The following MYOM3 variants were observed in gnomAD, a reference collection of about 807,000 sequenced individuals.
MYOM3 encodes myomesin 3.
MYOM3 carries 155 observed loss-of-function variants against 191.7 expected under a neutral mutation model. That is an observed-to-expected ratio of 0.81 (90% confidence interval 0.71 to 0.92). The LOEUF (loss-of-function observed/expected upper bound fraction) is 0.92. Among genes scored for constraint, MYOM3 ranks in the 40% least tolerant of loss-of-function variants. The pLI, the probability that MYOM3 is intolerant of heterozygous loss-of-function variation, is 0.00. For synonymous variants in MYOM3, 757 were observed against 762.9 expected (o/e 0.99, Z 0.13); for missense variants, 1,889 against 1,890.6 (o/e 1.00, Z 0.02).
At chr1:24,074,015 T>C in intron 23 of MYOM3, 145 bp downstream of exon 23, 1 of 623,024 alleles carries the variant, frequency 1.6e-6, no homozygotes, top group Admixed American at 2.9e-5. Flanking sequence ...TATCTATTGA[T>C]GGAAAGAATG....
chr1:24,067,227 T>C, intron 27 of MYOM3, 139 bp from the exon 28 acceptor site: 1 of 745,560 alleles, frequency 1.3e-6, no homozygotes, highest in South Asian at 2.1e-5. Context: ...GGGCTGGGAC[T>C]GGGGTGAGGC....
At position 24,084,625 on chromosome 1, in the gene MYOM3, G is replaced by C; in HGVS notation, c.1813C>G (p.Pro605Ala). The C allele has an allele frequency of 6.2e-7, 1 of 1,612,196 alleles. No individual in the cohort carries two copies. The highest frequency in any genetic ancestry group is 1.1e-5 in the South Asian group (1 of 90,896). The change falls in exon 16 of 37, where the codon CCA becomes GCA. Residue 605 changes from proline to alanine, a missense_variant. By Grantham distance (27) the Pro-to-Ala change is conservative. Transcript: ENST00000374434. ...LRGPPATLPP[P>A]AQVQAFRDTQ... ...TCTCTGAAAGCTTGAACTTGAGCTG[G>C]AGGAGGGAGGGTAGCTAAAAAATAG... is the stretch of plus-strand genomic sequence containing the variant.
chr1:24,102,757 G>A (rs1375293735), intron 5 of MYOM3, among the ~76,000 whole-genome samples: 4 of 152,114 alleles, frequency 2.6e-5, no homozygotes, highest in Non-Finnish European at 4.4e-5. Flanking sequence ...GAGGTAGGAC[G>A]ATCGCTTGAG....
At chr1:24,086,034 A>G (rs1379881641) in intron 15 of MYOM3, among the ~76,000 whole-genome samples, 2 of 152,160 alleles carry the variant, frequency 1.3e-5, no homozygotes, top group Non-Finnish European at 2.9e-5. Flanking sequence ...AGAACCTCAG[A>G]ATCCAGAGGC....
chr1:24,080,346 C>G (rs959036009), intron 19 of MYOM3, 152 bp from the exon 20 acceptor site: 8 of 618,296 alleles, frequency 1.3e-5, no homozygotes, highest in East Asian at 9.6e-5. Context: ...TCGCCAAGCC[C>G]GGGCCAACCT....
rs1359792443 is a variant in MYOM3 at position 24,094,722 on chromosome 1, C to T, written c.928+131G>A. 4 of 895,170 alleles carry T rather than the reference C, an allele frequency of 4.5e-6. No homozygotes were observed. The Admixed American group carries it at 1.2e-4, about 27-fold the overall frequency. The allele number at this position is 895,170 out of a possible 1,614,324, so 55.5% of individuals were successfully genotyped here. ...TGGCTGCACTCCCGCTCTCCTCTGC[C>T]TCTTCAGCACTTTAGCACAGTTGGT... is the stretch of plus-strand genomic sequence containing the variant. On this transcript the variant is annotated intron_variant, in intron 9 of 36. Transcript: ENST00000374434.
At chr1:24,067,425 TCC>T (rs1314948555) in intron 27 of MYOM3, among the ~76,000 whole-genome samples, 4 of 127,638 alleles carry the variant, frequency 3.1e-5, no homozygotes, top group Non-Finnish European at 6.6e-5. Context: ...CTTCCTTCCT[TCC>T]TTCCTTCCTT....
intron 11 of MYOM3, among the ~76,000 whole-genome samples, chr1:24,091,407 C>T (rs1161028172): frequency 6.6e-6 from 1 of 152,194 alleles, no homozygotes; most frequent in Non-Finnish European, 1.5e-5. Flanking sequence ...CCTAAGTTGG[C>T]ATGCATTCCA....
Position 24,061,078 on chromosome 1 carries a change from A to G in MYOM3, c.3976T>C (p.Leu1326=), listed in dbSNP as rs1289481737. The G allele has an allele frequency of 6.2e-7, 1 of 1,614,214 alleles. No individual in the cohort carries two copies. The highest frequency in any genetic ancestry group is 1.1e-5 in the South Asian group (1 of 91,074). Residue 1326 remains leucine, a synonymous_variant, in exon 35 of 37, where the codon TTG becomes CTG. Transcript: ENST00000374434. ...AMAEHQRLKT[L]AIIEKNRAKV... ...GACTTACTCTTCTCGATGATGGCCA[A>G]GGTTCTGAAAAACAGAAATGGGAAC...
intron 23 of MYOM3, among the ~76,000 whole-genome samples, chr1:24,073,028 GCAAACAAA>G (rs1458408195): frequency 6.6e-6 from 1 of 152,136 alleles, no homozygotes; most frequent in African/African-American, 2.4e-5. Context: ...CAAGCACACG[GCAAACAAA>G]ACCAAAAAAA....
intron 12 of MYOM3, among the ~76,000 whole-genome samples, chr1:24,090,343 C>A (rs1643801342): frequency 6.6e-6 from 1 of 152,190 alleles, no homozygotes; most frequent in Non-Finnish European, 1.5e-5. Context: ...CCTCTTGGGA[C>A]AAGTGGAGAC....
At position 24,058,798 on chromosome 1, in the gene MYOM3, G is replaced by A. The variant is rs191680796; in HGVS notation, c.4050+126C>T. 4 of 707,458 alleles carry A rather than the reference G, an allele frequency of 5.7e-6. No homozygotes were observed. In the Admixed American group the frequency reaches 8.9e-5, roughly 16 times the overall value. 43.8% of individuals were successfully genotyped at this position (707,458 alleles called of 1,614,324 possible). A position where few individuals can be genotyped will look rare whatever the true frequency, so the allele number is the denominator to read the frequency against. ...TTCCTTTGTACCACATGTCATCAATGAGGTGTGGTCACTTGGCCACTCTTT... is the reference window on the plus strand; with the variant it reads ...TTCCTTTGTACCACATGTCATCAATAAGGTGTGGTCACTTGGCCACTCTTT... On this transcript the variant is annotated intron_variant, in intron 36 of 36. Transcript: ENST00000374434.
intron 15 of MYOM3, among the ~76,000 whole-genome samples, chr1:24,085,833 G>A (rs1355976664): frequency 9.5e-6 from 1 of 105,040 alleles, no homozygotes. Context: ...GTGTGTGTAT[G>A]TGTGTGTGTG....
chr1:24,060,947 C>A, intron 35 of MYOM3, 113 bp downstream of exon 35: 1 of 1,222,160 alleles, frequency 8.2e-7, no homozygotes. Flanking sequence ...CCCTAGAGCC[C>A]CACAGACCCC....
In MYOM3 at chr1:24,099,757, C is replaced by A; in HGVS notation, c.579G>T (p.Arg193=). ...PQVTWYKNDT[R]IDPRLFRAGK... is the part of the protein sequence containing the mutation. ...CGGCACGAAAGAGGCGGGGATCAAT[C>A]CGTGTGTCATTTTTGTACCTGTGGG... Residue 193 remains arginine (R), a synonymous_variant, in exon 6 of 37, where the codon CGG becomes CGT. Transcript: ENST00000374434. 1 of 1,613,986 alleles carries A rather than the reference C, an allele frequency of 6.2e-7. No individual in the cohort carries two copies. Among genetic ancestry groups the A allele is most frequent in the Non-Finnish European group, 8.5e-7 (1 of 1,179,966 alleles).
intron 14 of MYOM3, 21 bp from the exon 15 acceptor site, chr1:24,086,848 A>G (rs749195846): frequency 6.2e-7 from 1 of 1,611,080 alleles, no homozygotes; most frequent in South Asian, 1.1e-5. Flanking sequence ...AGAGGGACTC[A>G]CATTGGCTAA....
intron 5 of MYOM3, among the ~76,000 whole-genome samples, chr1:24,103,637 C>T (rs1320806206): frequency 6.6e-6 from 1 of 152,198 alleles, no homozygotes; most frequent in Non-Finnish European, 1.5e-5. Context: ...CTCTCCCTTT[C>T]CCAGGCATTG....
intron 18 of MYOM3, 183 bp downstream of exon 18, chr1:24,081,818 C>T (rs1253765477): frequency 9.4e-6 from 6 of 641,256 alleles, no homozygotes; most frequent in Non-Finnish European, 1.6e-5. Flanking sequence ...AATCCCAGCT[C>T]AAGCTTGGTG....
intron 29 of MYOM3, among the ~76,000 whole-genome samples, chr1:24,065,562 A>G: frequency 6.6e-6 from 1 of 152,144 alleles, no homozygotes. Flanking sequence ...GAGGTCAGAG[A>G]GCGACGGGGG....
Sources: gnomAD v4.1 joint callset for allele counts (sites outside exome capture counted in the v4.1 genomes callset) on GRCh38, gnomAD v4.1.1 for gene constraint, MANE v1.5 for transcripts, NCBI Gene and HGNC (gene_info 2026-07-23, HGNC 2026-07-21) for gene names.